The following WDPCP variants were observed in gnomAD, a reference collection of about 807,000 sequenced individuals.
The protein encoded by WDPCP is WD repeat-containing and planar cell polarity effector protein fritz homolog.
Under a neutral mutation model 93.1 loss-of-function variants are expected in WDPCP, and 71 were observed. The ratio of observed to expected loss-of-function variants is 0.76; its 90% CI spans 0.63 to 0.93. The LOEUF (loss-of-function observed/expected upper bound fraction) is 0.93. WDPCP is among the 40% of genes least tolerant of loss of function. WDPCP has a pLI of 0.00. For missense variants in WDPCP, 844 were observed against 887.4 expected (o/e 0.95, Z 0.62); for synonymous variants, 315 against 315.0 (o/e 1.00, Z 0.00).
intron 10 of WDPCP, among the ~76,000 whole-genome samples, chr2:63,394,406 C>A (rs1693542027): frequency 6.6e-6 from 1 of 151,462 alleles, no homozygotes; most frequent in Admixed American, 6.6e-5. Flanking sequence ...GGTGAGGGTG[C>A]AGAGAAAAGA....
chr2:63,147,707 G>A (rs1412059939), intron 17 of WDPCP, among the ~76,000 whole-genome samples: 1 of 152,042 alleles, frequency 6.6e-6, no homozygotes, highest in South Asian at 2.1e-4. Flanking sequence ...GGTGGCTTAT[G>A]CCTGTAATCC....
At chr2:63,540,817 G>A (rs144309802) in intron 1 of WDPCP, among the ~76,000 whole-genome samples, 3 of 151,754 alleles carry the variant, frequency 2.0e-5, no homozygotes, top group African/African-American at 7.3e-5. Flanking sequence ...GCAGTGGGGC[G>A]ATCTCAGTTC....
intron 6 of WDPCP, among the ~76,000 whole-genome samples, chr2:63,480,822 T>C (rs1289200837): frequency 6.6e-6 from 1 of 152,052 alleles, no homozygotes; most frequent in Non-Finnish European, 1.5e-5. Context: ...AGACATTGGC[T>C]TAGGCAAGGA....
intron 2 of WDPCP, among the ~76,000 whole-genome samples, chr2:63,755,603 AT>A (rs935294026): frequency 2.0e-5 from 3 of 152,056 alleles, no homozygotes; most frequent in African/African-American, 7.2e-5. Flanking sequence ...TAATGCTTAA[AT>A]TTTTTTTCTG....
chr2:63,449,509 G>C (rs1698083866), intron 6 of WDPCP, among the ~76,000 whole-genome samples: 1 of 151,920 alleles, frequency 6.6e-6, no homozygotes, highest in Non-Finnish European at 1.5e-5. Context: ...GAAAGCAAGT[G>C]GCCACCTCAT....
intron 15 of WDPCP, among the ~76,000 whole-genome samples, chr2:63,162,336 T>C (rs1456354999): frequency 6.6e-6 from 1 of 152,226 alleles, no homozygotes; most frequent in Non-Finnish European, 1.5e-5. Flanking sequence ...ATTTCTCTTT[T>C]TAATTGGTCT....
intron 14 of WDPCP, among the ~76,000 whole-genome samples, chr2:63,246,320 G>C (rs1251512894): frequency 6.6e-6 from 1 of 152,094 alleles, no homozygotes; most frequent in African/African-American, 2.4e-5. Flanking sequence ...CCAGTGGTTT[G>C]TGCTCACTGC....
intron 2 of WDPCP, among the ~76,000 whole-genome samples, chr2:63,730,558 C>T (rs1394211529): frequency 2.6e-5 from 4 of 152,080 alleles, no homozygotes; most frequent in Admixed American, 6.5e-5. Flanking sequence ...CCTCCTCCCG[C>T]GTTCAAGTGA....
chr2:63,714,912 C>T (rs1023027052), intron 2 of WDPCP, among the ~76,000 whole-genome samples: 2 of 152,178 alleles, frequency 1.3e-5, no homozygotes, highest in Non-Finnish European at 2.9e-5. Flanking sequence ...GTGGCAACAA[C>T]CCAGGTGTCA....
At chr2:63,808,860 C>T (rs370675708) in intron 2 of WDPCP, among the ~76,000 whole-genome samples, 2 of 151,060 alleles carry the variant, frequency 1.3e-5, no homozygotes, top group Non-Finnish European at 2.9e-5. Context: ...AAGTGAGGAG[C>T]GTCTCTGCCC....
intron 1 of WDPCP, among the ~76,000 whole-genome samples, chr2:63,517,372 A>G (rs563944302): frequency 7.9e-5 from 12 of 152,068 alleles, no homozygotes; most frequent in African/African-American, 2.7e-4. Flanking sequence ...CCCATGTGAG[A>G]TTGCCTCTGC....
chr2:63,320,888 G>C (rs1331977509), intron 12 of WDPCP, among the ~76,000 whole-genome samples: 1 of 151,976 alleles, frequency 6.6e-6, no homozygotes, highest in Non-Finnish European at 1.5e-5. Context: ...AAAAGACAAA[G>C]ACTGTCATAA....
At chr2:63,127,965 C>G (rs1402922319) in intron 17 of WDPCP, among the ~76,000 whole-genome samples, 3 of 151,816 alleles carry the variant, frequency 2.0e-5, no homozygotes, top group Non-Finnish European at 4.4e-5. Context: ...ATGGTGAAAC[C>G]CTGTCTCTTC....
At chr2:63,378,659 T>G in intron 11 of WDPCP, 150 bp from the exon 12 acceptor site, 2 of 1,094,686 alleles carry the variant, frequency 1.8e-6, no homozygotes, top group Non-Finnish European at 2.7e-6. Flanking sequence ...TGACAGCTGG[T>G]ACAAAAACAA....
intron 2 of WDPCP, among the ~76,000 whole-genome samples, chr2:63,737,448 C>T (rs537016231): frequency 6.6e-6 from 1 of 152,298 alleles, no homozygotes; most frequent in South Asian, 2.1e-4. Flanking sequence ...GGTAGATGTT[C>T]AATAGCTATT....
chr2:63,418,565 T>G (rs184728497), intron 9 of WDPCP, among the ~76,000 whole-genome samples: 1 of 152,328 alleles, frequency 6.6e-6, no homozygotes, highest in African/African-American at 2.4e-5. Flanking sequence ...CTTCCTAGAC[T>G]TGGTGAATTC....
chr2:63,645,893 T>C (rs1240890241), intron 3 of WDPCP, among the ~76,000 whole-genome samples: 1 of 152,222 alleles, frequency 6.6e-6, no homozygotes, highest in African/African-American at 2.4e-5. Flanking sequence ...TATGTGTGTC[T>C]TTATAGGTGA....
rs1392025648 is a variant in WDPCP, at chr2:63,595,408, C to T, written n.488+55251G>A. ...ATAGCCTACACTAACAGATGCTGTC[C>T]TTGCTATTTGGTAGCCTATAATTCT... is the stretch of plus-strand genomic sequence containing the variant. On this transcript the variant is annotated intron_variant and non_coding_transcript_variant, in intron 3 of 4. Transcript: ENST00000467687. 2.6e-6 allele frequency: 4 copies of T among 1,515,038 alleles called. No individual in the cohort carries two copies. In the Admixed American group the frequency reaches 6.7e-5, roughly 25 times the overall value. The allele number at this position is 1,515,038 out of a possible 1,614,324, so 93.8% of individuals were successfully genotyped here.
At chr2:63,396,868 A>G (rs1693769216) in intron 10 of WDPCP, among the ~76,000 whole-genome samples, 1 of 152,102 alleles carries the variant, frequency 6.6e-6, no homozygotes, top group Non-Finnish European at 1.5e-5. Flanking sequence ...GTTTGTGTTC[A>G]TGAGTTGTCA....
Sources: gnomAD v4.1 joint callset for allele counts (sites outside exome capture counted in the v4.1 genomes callset) on GRCh38, gnomAD v4.1.1 for gene constraint, MANE v1.5 for transcripts, NCBI Gene and HGNC (gene_info 2026-07-23, HGNC 2026-07-21) for gene names.